The following PRKD3 variants were observed in gnomAD, a reference collection of about 807,000 sequenced individuals.
The protein encoded by PRKD3 is protein kinase D3, also known as serine/threonine-protein kinase D3.
Under a neutral mutation model 99.2 loss-of-function variants are expected in PRKD3, and 47 were observed. The observed-to-expected ratio is 0.47, with a 90% CI of 0.38 to 0.60. The LOEUF is 0.60. PRKD3 is among the 20% of genes least tolerant of loss of function. The pLI is 0.00. For synonymous variants in PRKD3, 392 were observed against 355.4 expected (o/e 1.10, Z -1.16); for missense variants, 1,019 against 1,088.4 (o/e 0.94, Z 0.90).
intron 2 of PRKD3, among the ~76,000 whole-genome samples, chr2:37,309,989 A>C (rs1671352853): frequency 6.6e-6 from 1 of 152,182 alleles, no homozygotes; most frequent in Non-Finnish European, 1.5e-5. Context: ...TATACCATTA[A>C]CCTCTAATTT....
At position 37,268,240 on chromosome 2, in the gene PRKD3, C is replaced by T. The variant is rs1194452047; in HGVS notation, c.1778-704G>A. The T allele has an allele frequency of 1.5e-5, 7 of 456,992 alleles. No homozygotes were observed. The East Asian group carries it at 3.5e-4, about 23-fold the overall frequency. 28.3% of individuals were successfully genotyped at this position (456,992 alleles called of 1,614,324 possible). A position where few individuals can be genotyped will look rare whatever the true frequency, so the allele number is the denominator to read the frequency against. ...AACTCATTTGTCTCAATGGCACAAT[C>T]GTAAGTCTACTTGAAAAGACTGAAC... On this transcript the variant is annotated intron_variant, in intron 13 of 18. Coordinates refer to ENST00000234179, the MANE Select transcript of PRKD3 (RefSeq NM_005813.6).
At chr2:37,314,273 C>CA (rs1558581523) in intron 2 of PRKD3, among the ~76,000 whole-genome samples, 1 of 152,214 alleles carries the variant, frequency 6.6e-6, no homozygotes, top group Non-Finnish European at 1.5e-5. Flanking sequence ...GATTCCCCTG[C>CA]AAGAGTCATT....
intron 2 of PRKD3, among the ~76,000 whole-genome samples, chr2:37,294,930 C>G (rs1670607669): frequency 1.3e-5 from 2 of 152,094 alleles, no homozygotes; most frequent in African/African-American, 4.8e-5. Flanking sequence ...CAAAAATTAG[C>G]CAGGTGTGGT....
Position 37,252,983 on chromosome 2 carries a change from C to T in PRKD3, c.*194G>A. On this transcript the variant is annotated 3_prime_UTR_variant, in exon 19 of 19. Coordinates refer to ENST00000234179, the MANE Select transcript of PRKD3 (RefSeq NM_005813.6). The stretch of plus-strand genomic sequence containing the variant: ...TTTATAAAAAGCTTCACCTTGATTC[C>T]ATTATGACTTCTTATTATTCAGTTT... 1 of 459,014 alleles carries T rather than the reference C, an allele frequency of 2.2e-6. No homozygotes were observed. The allele number at this position is 459,014 out of a possible 1,614,324, so 28.4% of individuals were successfully genotyped here. A position where few individuals can be genotyped will look rare whatever the true frequency, so the allele number is the denominator to read the frequency against.
chr2:37,290,215 T>C (rs910633599), intron 4 of PRKD3, among the ~76,000 whole-genome samples: 1 of 152,204 alleles, frequency 6.6e-6, no homozygotes, highest in Non-Finnish European at 1.5e-5. Flanking sequence ...TTTGACAATT[T>C]AGTTGTATGT....
chr2:37,309,258 T>C (rs953343722), intron 2 of PRKD3, among the ~76,000 whole-genome samples: 1 of 152,262 alleles, frequency 6.6e-6, no homozygotes, highest in African/African-American at 2.4e-5. Flanking sequence ...GAGATATTTA[T>C]GCACTCTTGG....
intron 2 of PRKD3, among the ~76,000 whole-genome samples, chr2:37,310,652 T>C (rs910165148): frequency 3.9e-5 from 6 of 152,188 alleles, no homozygotes; most frequent in Non-Finnish European, 7.3e-5. Flanking sequence ...ACAATGAGCA[T>C]TATGAATGTT....
chr2:37,268,410 G>A (rs1035435307), intron 13 of PRKD3: 3 of 464,534 alleles, frequency 6.5e-6, no homozygotes, highest in Admixed American at 2.4e-5. Flanking sequence ...TATGCATGCA[G>A]AGTCAACACA....
intron 18 of PRKD3, 35 bp downstream of exon 18, chr2:37,254,169 G>A (rs781047343): frequency 4.7e-6 from 7 of 1,482,808 alleles, no homozygotes; most frequent in Non-Finnish European, 6.6e-6. Flanking sequence ...CTACTCAAAT[G>A]AGGATTGCCA....
intron 9 of PRKD3, among the ~76,000 whole-genome samples, chr2:37,276,839 T>C (rs1490455213): frequency 6.6e-6 from 1 of 150,504 alleles, no homozygotes; most frequent in Non-Finnish European, 1.5e-5. Flanking sequence ...TTCATATATA[T>C]ACATATATAT....
intron 14 of PRKD3, among the ~76,000 whole-genome samples, chr2:37,262,131 G>A (rs560772304): frequency 6.6e-6 from 1 of 152,288 alleles, no homozygotes; most frequent in South Asian, 2.1e-4. Flanking sequence ...CGCAAAATGA[G>A]GAGCATCCTG....
chr2:37,268,366 G>A (rs748453682), intron 13 of PRKD3: 7 of 470,544 alleles, frequency 1.5e-5, no homozygotes, highest in Non-Finnish European at 3.1e-5. Context: ...TCTTAAAACT[G>A]ACAAATCTGA....
In PRKD3 at chr2:37,251,554, A is replaced by T. The variant is rs990894195; in HGVS notation, c.*1623T>A. 23 of 152,500 alleles carry T rather than the reference A, an allele frequency of 1.5e-4. 1 individual carries two copies. The highest frequency in any genetic ancestry group is 1.0e-3 in the Admixed American group (16 of 15,256). 9.4% of individuals were successfully genotyped at this position (152,500 alleles called of 1,614,324 possible). ...TCTTTCAAGGATATTTTTAGTCTAG[A>T]CAGGAGACTAGCTTCAGGGATGTCG... On this transcript the variant is annotated 3_prime_UTR_variant, in exon 19 of 19. Coordinates refer to ENST00000234179, the MANE Select transcript of PRKD3 (RefSeq NM_005813.6).
chr2:37,298,513 T>C (rs1343678064), intron 2 of PRKD3, among the ~76,000 whole-genome samples: 1 of 152,100 alleles, frequency 6.6e-6, no homozygotes, highest in Admixed American at 6.6e-5. Flanking sequence ...ATCTGTAAAA[T>C]AGTGCCTACT....
intron 7 of PRKD3, among the ~76,000 whole-genome samples, chr2:37,281,307 A>G (rs1669847568): frequency 6.6e-6 from 1 of 152,232 alleles, no homozygotes; most frequent in African/African-American, 2.4e-5. Flanking sequence ...ATAAATTTAT[A>G]AAAGACTTTA....
At chr2:37,262,202 A>C (rs1468613838) in intron 14 of PRKD3, among the ~76,000 whole-genome samples, 1 of 152,104 alleles carries the variant, frequency 6.6e-6, no homozygotes, top group East Asian at 1.9e-4. Context: ...GGGGACTCAC[A>C]TGTTTTTGGC....
At chr2:37,296,512 GA>G (rs11295845) in intron 2 of PRKD3, among the ~76,000 whole-genome samples, 2,924 of 148,148 alleles carry the variant, frequency 0.02, 90 homozygotes, top group African/African-American at 0.068. Flanking sequence ...GTTCATAAAG[GA>G]AAAAAAAAAT....
At chr2:37,319,409 A>G (rs1208228712) in intron 1 of PRKD3, among the ~76,000 whole-genome samples, 1 of 152,204 alleles carries the variant, frequency 6.6e-6, no homozygotes, top group Non-Finnish European at 1.5e-5. Context: ...ATAAAGGCAT[A>G]AAGAATATGC....
rs1324815943 is a variant in PRKD3, at chr2:37,290,997, A to C, written c.430T>G (p.Leu144Val). Residue 144 changes from leucine to valine, a missense_variant and splice_region_variant, in exon 4 of 19, where the codon TTA becomes GTA. This residue lies in a region of PRKD3 where 710 missense variants were observed against 692.7 expected (regional missense o/e 1.02). Transcript: ENST00000234179. ...GDLVEVVLSA[L>V]ATVEDFQIRP... ...ATCTGGAAGTCTTCTACTGTGGCTA[A>C]AGCTTTAAAAAAGAAAAGTATTACA... 6.3e-7 allele frequency: 1 copy of C among 1,599,398 alleles called. No homozygotes were observed. The highest frequency in any genetic ancestry group is 2.2e-5 in the East Asian group (1 of 44,790).
Sources: allele counts gnomAD v4.1 joint callset (sites outside exome capture counted in the v4.1 genomes callset), GRCh38; gene constraint gnomAD v4.1.1; regional missense constraint gnomAD v4.1.1; transcripts MANE v1.5; gene names NCBI Gene and HGNC (gene_info 2026-07-23, HGNC 2026-07-21).